Variants in CAMTA1 observed in about 807,000 individuals in gnomAD.
CAMTA1 encodes the protein calmodulin binding transcription activator 1, also known as calmodulin-binding transcription activator 1.
Under a neutral mutation model 170.9 loss-of-function variants are expected in CAMTA1, and 27 were observed. The ratio of observed to expected loss-of-function variants is 0.16; its 90% confidence interval spans 0.12 to 0.22. The LOEUF (loss-of-function observed/expected upper bound fraction) is 0.22. CAMTA1 is among the 10% of genes least tolerant of loss of function. The pLI is 1.00. For synonymous variants in CAMTA1, 833 were observed against 891.5 expected, an observed-to-expected ratio of 0.93 and a Z score of 1.17; for missense variants, 1,619 against 2,217.2, an observed-to-expected ratio of 0.73 and a Z score of 5.42.
intron 5 of CAMTA1, among the ~76,000 whole-genome samples, chr1:7,250,745 T>C (rs1195406478): frequency 1.3e-5 from 2 of 152,194 alleles, no homozygotes; most frequent in Non-Finnish European, 2.9e-5. Flanking sequence ...TTTTTTTAAA[T>C]ACCTAATAAC....
rs996054549 is a variant in CAMTA1 at position 7,063,379 on chromosome 1, G to C, written c.235-27925G>C. On this transcript the variant is annotated intron_variant, in intron 3 of 22. Coordinates refer to ENST00000303635, the MANE Select transcript of CAMTA1 (RefSeq NM_015215.4). This position sits in a 1 kb window ranked among gnomAD's most constrained non-coding sequence, Gnocchi z 4.3. ...TCTGCAGCGCTTTGCTTACCCGTTTGACCACGACACCACCGCACCTCCCTG... is the reference window on the plus strand; with the variant it reads ...TCTGCAGCGCTTTGCTTACCCGTTTCACCACGACACCACCGCACCTCCCTG... 6.6e-6 allele frequency among the ~76,000 whole-genome samples: 1 copy of C among 152,186 alleles called. No individual in the cohort carries two copies. The highest frequency in any genetic ancestry group is 1.5e-5 in the Non-Finnish European group (1 of 68,042).
intron 6 of CAMTA1, among the ~76,000 whole-genome samples, chr1:7,632,680 T>A (rs1316785886): frequency 6.6e-6 from 1 of 152,202 alleles, no homozygotes; most frequent in Non-Finnish European, 1.5e-5. Context: ...GCCAGGGCGG[T>A]GGGACCCTGC....
intron 6 of CAMTA1, among the ~76,000 whole-genome samples, chr1:7,501,836 A>G (rs2149804482): frequency 6.6e-6 from 1 of 152,094 alleles, no homozygotes; most frequent in South Asian, 2.1e-4. Context: ...ATGCATAGAC[A>G]CCCACTGGGA....
chr1:7,127,246 G>GGTT (rs1282822850), intron 4 of CAMTA1, among the ~76,000 whole-genome samples: 1 of 67,882 alleles, frequency 1.5e-5, no homozygotes, highest in Admixed American at 1.7e-4. Context: ...GGCCAGAGGG[G>GGTT]CTTTTTTTTT....
intron 5 of CAMTA1, among the ~76,000 whole-genome samples, chr1:7,467,161 G>A (rs2093231052): frequency 6.6e-6 from 1 of 152,140 alleles, no homozygotes; most frequent in African/African-American, 2.4e-5. Flanking sequence ...TCCTGACCTT[G>A]ACTTTCCACC....
chr1:6,897,302 A>C (rs970913096), intron 3 of CAMTA1, among the ~76,000 whole-genome samples: 1 of 152,170 alleles, frequency 6.6e-6, no homozygotes, highest in Non-Finnish European at 1.5e-5. Flanking sequence ...TCTTGTGTGC[A>C]AGAAGCATGT....
chr1:7,209,716 A>G (rs1573913838), intron 4 of CAMTA1, among the ~76,000 whole-genome samples: 1 of 152,228 alleles, frequency 6.6e-6, no homozygotes, highest in East Asian at 1.9e-4. Flanking sequence ...AAATGGCCAC[A>G]GAAGTTCTTA....
chr1:7,572,705 C>T (rs2095139506), intron 6 of CAMTA1, among the ~76,000 whole-genome samples: 1 of 152,202 alleles, frequency 6.6e-6, no homozygotes, highest in Non-Finnish European at 1.5e-5. Context: ...AATCATCTCC[C>T]AAACCCCCAC....
At chr1:7,310,678 T>TTCTTTC (rs1676483647) in intron 5 of CAMTA1, among the ~76,000 whole-genome samples, 14 of 34,612 alleles carry the variant, frequency 4.0e-4, no homozygotes, top group Non-Finnish European at 1.0e-4. Context: ...TTTCCTTTCT[T>TTCTTTC]TCTCTCTCTC....
At chr1:6,914,043 C>A (rs72854284) in intron 3 of CAMTA1, among the ~76,000 whole-genome samples, 1,788 of 151,848 alleles carry the variant, frequency 0.012, 28 homozygotes, top group African/African-American at 0.04. Context: ...CTAAGATGAT[C>A]CATTTGAGCA....
At chr1:7,655,075 C>T (rs947673796) in intron 7 of CAMTA1, among the ~76,000 whole-genome samples, 1 of 117,214 alleles carries the variant, frequency 8.5e-6, no homozygotes, top group Non-Finnish European at 1.8e-5. Context: ...CCCACCTATA[C>T]ACACACACCC....
intron 3 of CAMTA1, among the ~76,000 whole-genome samples, chr1:7,057,339 C>T (rs1163102591): frequency 1.3e-5 from 2 of 152,190 alleles, no homozygotes; most frequent in Non-Finnish European, 1.5e-5. Flanking sequence ...GAAGCACCTG[C>T]GTCGCAGCCA....
chr1:7,434,811 C>T (rs2092294513), intron 5 of CAMTA1, among the ~76,000 whole-genome samples: 1 of 149,362 alleles, frequency 6.7e-6, no homozygotes, highest in Admixed American at 6.7e-5. Context: ...GAGACCGAGG[C>T]AGGCTGATCG....
chr1:7,145,099 G>T (rs1646105433), intron 4 of CAMTA1, among the ~76,000 whole-genome samples: 1 of 152,190 alleles, frequency 6.6e-6, no homozygotes, highest in Non-Finnish European at 1.5e-5. Flanking sequence ...ATCTTTCAGG[G>T]GACGAGGGGC....
intron 4 of CAMTA1, among the ~76,000 whole-genome samples, chr1:7,108,316 ATTG>A (rs935259901): frequency 2.6e-5 from 4 of 152,132 alleles, no homozygotes; most frequent in Admixed American, 2.6e-4. Context: ...GATAGTACAT[ATTG>A]TTGTGAGGAG....
chr1:6,995,170 T>TC (rs1481865373), intron 3 of CAMTA1, among the ~76,000 whole-genome samples: 1 of 152,124 alleles, frequency 6.6e-6, no homozygotes, highest in Admixed American at 6.5e-5. Flanking sequence ...TCTTTTTTTT[T>TC]CCAGATAGAT....
intron 3 of CAMTA1, among the ~76,000 whole-genome samples, chr1:6,827,977 GCA>G (rs1647779006): frequency 6.6e-6 from 1 of 152,152 alleles, no homozygotes; most frequent in African/African-American, 2.4e-5. Flanking sequence ...GTGGGAATGC[GCA>G]CAGTTGAGAG....
At chr1:7,259,263 A>G (rs779633524) in intron 5 of CAMTA1, among the ~76,000 whole-genome samples, 5 of 152,170 alleles carry the variant, frequency 3.3e-5, no homozygotes, top group East Asian at 3.8e-4. Flanking sequence ...TCCTGGACAG[A>G]TGAAATAACC....
Position 7,093,611 on chromosome 1 carries a change from G to A in CAMTA1, c.302+2240G>A, listed in dbSNP as rs1356625927. On this transcript the variant is annotated intron_variant, in intron 4 of 22. Coordinates refer to ENST00000303635, the MANE Select transcript of CAMTA1 (RefSeq NM_015215.4). The surrounding 1 kb of genome is among the most constrained non-coding windows in gnomAD (Gnocchi z 4.6). ...CAGAACAGTAGAACATTTCAAGGCA[G>A]CGGTTTTACCTCGAGTTTCAGCCTT... Among the ~76,000 whole-genome samples, 1 of 152,194 alleles carries A rather than the reference G, an allele frequency of 6.6e-6. No individual in the cohort carries two copies. The highest frequency in any genetic ancestry group is 2.4e-5 in the African/African-American group (1 of 41,446).
Sources: gnomAD v4.1 joint callset for allele counts (sites outside exome capture counted in the v4.1 genomes callset) on GRCh38, gnomAD v4.1.1 for gene constraint, Gnocchi (gnomAD v3.1) non-coding constraint, MANE v1.5 for transcripts, NCBI Gene and HGNC (gene_info 2026-07-23, HGNC 2026-07-21) for gene names.